The following LRRC8D variants were observed in gnomAD, a reference collection of about 807,000 sequenced individuals.
LRRC8D encodes leucine rich repeat containing 8 VRAC subunit D.
A neutral mutation model predicts 55.8 loss-of-function variants in LRRC8D; 20 were observed. The ratio of observed to expected loss-of-function variants is 0.36; its 90% CI spans 0.25 to 0.52. The LOEUF is 0.52. LRRC8D is among the 20% of genes least tolerant of loss of function. The pLI is 0.93. For synonymous variants in LRRC8D, 352 were observed against 377.0 expected (o/e 0.93, Z 0.77); for missense variants, 651 against 1,030.8 (o/e 0.63, Z 5.05).
chr1:89,932,937 A>G, intron 2 of LRRC8D, 130 bp from the exon 3 acceptor site: 1 of 711,926 alleles, frequency 1.4e-6, no homozygotes, highest in South Asian at 2.1e-5. Flanking sequence ...ATTTTCTACT[A>G]CATTTATATT....
intron 2 of LRRC8D, among the ~76,000 whole-genome samples, chr1:89,886,958 T>G (rs536945750): frequency 3.9e-5 from 6 of 152,324 alleles, no homozygotes; most frequent in Admixed American, 3.9e-4. Flanking sequence ...TTTAAAAATG[T>G]TTTAAAAAGA....
intron 1 of LRRC8D, among the ~76,000 whole-genome samples, chr1:89,825,999 G>A (rs1409989784): frequency 6.6e-6 from 1 of 152,198 alleles, no homozygotes; most frequent in Non-Finnish European, 1.5e-5. Context: ...TCCAGATGGT[G>A]CAGTCTACTT....
chr1:89,893,799 A>G (rs1662636354), intron 2 of LRRC8D, among the ~76,000 whole-genome samples: 1 of 152,186 alleles, frequency 6.6e-6, no homozygotes, highest in Non-Finnish European at 1.5e-5. Flanking sequence ...CATAGTGGAA[A>G]CTAAAGAGTT....
intron 1 of LRRC8D, among the ~76,000 whole-genome samples, chr1:89,838,076 C>T (rs1213574073): frequency 6.6e-6 from 1 of 151,852 alleles, no homozygotes; most frequent in Non-Finnish European, 1.5e-5. Flanking sequence ...CAAGATTGCC[C>T]AGGCCAGGCG....
chr1:89,875,783 ATTATT>A (rs1175168053), intron 2 of LRRC8D, among the ~76,000 whole-genome samples: 3 of 152,070 alleles, frequency 2.0e-5, no homozygotes, highest in Non-Finnish European at 4.4e-5. Context: ...CCTTGCAAAT[ATTATT>A]TTATTTGATT....
At chr1:89,834,386 G>T (rs1289639845) in intron 1 of LRRC8D, among the ~76,000 whole-genome samples, 3 of 152,122 alleles carry the variant, frequency 2.0e-5, no homozygotes, top group African/African-American at 4.8e-5. Context: ...CCACTTTTCT[G>T]TTCTATTCTT....
intron 2 of LRRC8D, among the ~76,000 whole-genome samples, chr1:89,896,845 CAT>C (rs957374897): frequency 3.3e-5 from 5 of 152,140 alleles, no homozygotes; most frequent in African/African-American, 1.2e-4. Flanking sequence ...GCGAAATAAA[CAT>C]ATTCACATAT....
intron 1 of LRRC8D, among the ~76,000 whole-genome samples, chr1:89,824,687 A>T (rs1660722804): frequency 6.6e-6 from 1 of 151,986 alleles, no homozygotes; most frequent in Admixed American, 6.6e-5. Flanking sequence ...CCCCCAGTTG[A>T]CTTTGCTAAT....
chr1:89,840,203 A>C (rs1661098458), intron 1 of LRRC8D, among the ~76,000 whole-genome samples: 1 of 150,058 alleles, frequency 6.7e-6, no homozygotes, highest in African/African-American at 2.5e-5. Flanking sequence ...ATATATACAT[A>C]CACGTGCACA....
chr1:89,908,089 A>T (rs1410198812), intron 2 of LRRC8D, among the ~76,000 whole-genome samples: 2 of 152,230 alleles, frequency 1.3e-5, no homozygotes, highest in Non-Finnish European at 2.9e-5. Context: ...CATTTATAAA[A>T]CATTCATAAT....
rs1022040563 is a variant in LRRC8D at position 89,933,430 on chromosome 1, C to T, written c.362C>T (p.Ala121Val). 22 of 1,614,154 alleles carry T rather than the reference C, an allele frequency of 1.4e-5. No homozygotes were observed. The highest frequency in any genetic ancestry group is 1.8e-5 in the Non-Finnish European group (21 of 1,180,036). The change falls in exon 3 of 3, where the codon GCA (alanine) becomes GTA (valine). Residue 121 changes from alanine to valine, a missense_variant. Physicochemically the swap from Ala to Val is moderately conservative, Grantham distance 64 (BLOSUM62 0). Coordinates refer to ENST00000337338, the MANE Select transcript of LRRC8D (RefSeq NM_001134479.2). The surrounding 1 kb of genome is among the most constrained non-coding windows in gnomAD (Gnocchi z 7.0). ...LRATYPRTDF[A>V]LPNQEAKKEK... ...GCCACATATCCTCGCACAGATTTCGCACTTCCAAATCAGGAGGCAAAGAAA... is the reference window on the plus strand; with the variant it reads ...GCCACATATCCTCGCACAGATTTCGTACTTCCAAATCAGGAGGCAAAGAAA...
At chr1:89,831,305 C>T (rs1018159925) in intron 1 of LRRC8D, among the ~76,000 whole-genome samples, 2 of 152,254 alleles carry the variant, frequency 1.3e-5, no homozygotes, top group Non-Finnish European at 2.9e-5. Flanking sequence ...GCAAAGCAAC[C>T]CGCAAGCCCC....
At chr1:89,875,937 G>T (rs563397477) in intron 2 of LRRC8D, among the ~76,000 whole-genome samples, 39 of 152,294 alleles carry the variant, frequency 2.6e-4, no homozygotes, top group Non-Finnish European at 4.4e-4. Flanking sequence ...ATTCTTAAAG[G>T]TTCTTAGTGC....
chr1:89,870,368 C>T (rs931951916), intron 2 of LRRC8D, among the ~76,000 whole-genome samples: 4 of 151,148 alleles, frequency 2.6e-5, no homozygotes, highest in East Asian at 2.0e-4. Flanking sequence ...CCCAGCTACA[C>T]GGGAGGCTGA....
intron 1 of LRRC8D, among the ~76,000 whole-genome samples, chr1:89,841,294 C>T (rs1661125196): frequency 6.6e-6 from 1 of 152,192 alleles, no homozygotes; most frequent in East Asian, 1.9e-4. Flanking sequence ...TACTTGAAGG[C>T]CATGGTCATC....
At chr1:89,823,273 C>G (rs963312864) in intron 1 of LRRC8D, among the ~76,000 whole-genome samples, 1 of 152,146 alleles carries the variant, frequency 6.6e-6, no homozygotes, top group Admixed American at 6.5e-5. Context: ...CATTTTCTCC[C>G]TGCTGTGTTT....
intron 2 of LRRC8D, among the ~76,000 whole-genome samples, chr1:89,908,102 T>C (rs893990292): frequency 1.3e-5 from 2 of 151,722 alleles, no homozygotes; most frequent in African/African-American, 4.8e-5. Context: ...TTCATAATAG[T>C]GATGATGATG....
At chr1:89,881,218 A>G (rs988336321) in intron 2 of LRRC8D, among the ~76,000 whole-genome samples, 1 of 152,102 alleles carries the variant, frequency 6.6e-6, no homozygotes, top group Non-Finnish European at 1.5e-5. Context: ...TCATCCAGTC[A>G]TCTATTCAGC....
chr1:89,854,997 GATA>G (rs1461910034), intron 2 of LRRC8D, among the ~76,000 whole-genome samples: 1 of 152,168 alleles, frequency 6.6e-6, no homozygotes, highest in African/African-American at 2.4e-5. Flanking sequence ...ACTGGTAGCA[GATA>G]ATTTAGTCGT....
Sources: gnomAD v4.1 joint callset for allele counts (sites outside exome capture counted in the v4.1 genomes callset) on GRCh38, gnomAD v4.1.1 for gene constraint, Gnocchi (gnomAD v3.1) non-coding constraint, MANE v1.5 for transcripts, NCBI Gene and HGNC (gene_info 2026-07-23, HGNC 2026-07-21) for gene names.